Variants in RGS7BP observed in about 807,000 individuals in gnomAD.
RGS7BP encodes regulator of G protein signaling 7-binding protein.
A neutral mutation model predicts 31.3 loss-of-function variants in RGS7BP; 9 were observed. The observed-to-expected ratio is 0.29, with a 90% CI of 0.17 to 0.50. The LOEUF is 0.50. RGS7BP is among the 20% of genes least tolerant of loss of function. The pLI, the probability that RGS7BP is intolerant of heterozygous loss-of-function variation, is 0.98. For missense variants in RGS7BP, 274 were observed against 322.0 expected, an observed-to-expected ratio of 0.85 and a Z score of 1.14; for synonymous variants, 115 against 120.1, an observed-to-expected ratio of 0.96 and a Z score of 0.28.
rs570435833 is a variant in RGS7BP at position 64,607,754 on chromosome 5, G to A, written c.683-1407G>A. ...AGTCAGCTTTGTCTAAATTCCAAAA[G>A]GGAGGAGGATATAATGAAGAATGTT... On this transcript the variant is annotated intron_variant, in intron 5 of 5. Transcript: ENST00000334025. Among the ~76,000 whole-genome samples the A allele has an allele frequency of 2.6e-5, 4 of 152,026 alleles. No homozygotes were observed. The South Asian group carries it at 6.2e-4, about 24-fold the overall frequency.
chr5:64,509,510 T>C (rs1266469188), intron 2 of RGS7BP, among the ~76,000 whole-genome samples: 1 of 152,156 alleles, frequency 6.6e-6, no homozygotes, highest in African/African-American at 2.4e-5. Flanking sequence ...AAAGAAAAGG[T>C]CTGAAACTAT....
At position 64,506,807 on chromosome 5, in the gene RGS7BP, CTCTT is replaced by C. The variant is rs752745000; in HGVS notation, c.165+20_165+23del. 9 of 1,323,996 alleles carry C rather than the reference CTCTT, an allele frequency of 6.8e-6. No homozygotes were observed. Among genetic ancestry groups the C allele is most frequent in the South Asian group, 1.4e-5 (1 of 69,288 alleles). 82.0% of individuals were successfully genotyped at this position (1,323,996 alleles called of 1,614,324 possible). On this transcript the variant is annotated intron_variant, in intron 1 of 5. Transcript: ENST00000334025. The surrounding 1 kb of genome is among the most constrained non-coding windows in gnomAD (Gnocchi z 4.6). ...GCAAGATGGTGGGTGAAAACTGCGCCTCTTTTTTTTTTTTTTTAATTGAGAGGGG... is the reference window on the plus strand; with the variant it reads ...GCAAGATGGTGGGTGAAAACTGCGCCTTTTTTTTTTTTTAATTGAGAGGGG...
intron 2 of RGS7BP, among the ~76,000 whole-genome samples, chr5:64,562,040 G>A (rs1742068383): frequency 4.6e-5 from 7 of 152,034 alleles, no homozygotes; most frequent in Admixed American, 4.6e-4. Flanking sequence ...CATCAAGGAA[G>A]GAAATAAAGG....
intron 2 of RGS7BP, among the ~76,000 whole-genome samples, chr5:64,575,386 A>G (rs1742392518): frequency 6.6e-6 from 1 of 152,154 alleles, no homozygotes; most frequent in Admixed American, 6.5e-5. Context: ...TACAACTGGT[A>G]ATTGAATTGC....
rs1166056048 is a variant in RGS7BP at position 64,506,863 on chromosome 5, T to C, written c.165+74T>C. On this transcript the variant is annotated intron_variant, in intron 1 of 5. Transcript: ENST00000334025. This position sits in a 1 kb window ranked among gnomAD's most constrained non-coding sequence, Gnocchi z 4.6. Reference sequence around the variant, plus strand: ...TGGGGGGAGTCATGTATGTTAATCATTTGCCTGAGTGCCAGCCACTCCCCC... The same window carrying C: ...TGGGGGGAGTCATGTATGTTAATCACTTGCCTGAGTGCCAGCCACTCCCCC... The C allele has an allele frequency of 1.2e-5, 17 of 1,394,544 alleles. No homozygotes were observed. The highest frequency in any genetic ancestry group is 1.7e-5 in the Non-Finnish European group (17 of 1,029,274). 86.4% of individuals were successfully genotyped at this position (1,394,544 alleles called of 1,614,324 possible).
intron 3 of RGS7BP, among the ~76,000 whole-genome samples, chr5:64,585,356 GA>G (rs1252270403): frequency 6.6e-6 from 1 of 151,946 alleles, no homozygotes; most frequent in Non-Finnish European, 1.5e-5. Context: ...CCAAACTAAG[GA>G]CATCCAAAAA....
intron 2 of RGS7BP, among the ~76,000 whole-genome samples, chr5:64,568,230 A>C (rs751552478): frequency 1.1e-4 from 16 of 152,144 alleles, no homozygotes; most frequent in Non-Finnish European, 2.2e-4. Context: ...CAGAGACTGA[A>C]GAATTCAGCA....
chr5:64,536,502 C>T (rs988561212), intron 2 of RGS7BP, among the ~76,000 whole-genome samples: 1 of 152,190 alleles, frequency 6.6e-6, no homozygotes, highest in African/African-American at 2.4e-5. Flanking sequence ...GGATGAAAAT[C>T]TTCATCCTAT....
intron 2 of RGS7BP, among the ~76,000 whole-genome samples, chr5:64,564,977 G>A (rs1339019784): frequency 6.6e-6 from 1 of 152,040 alleles, no homozygotes; most frequent in African/African-American, 2.4e-5. Flanking sequence ...ACAAAAGATT[G>A]ACCACTGCAA....
intron 2 of RGS7BP, among the ~76,000 whole-genome samples, chr5:64,508,175 G>T (rs1214246382): frequency 6.6e-6 from 1 of 152,102 alleles, no homozygotes; most frequent in African/African-American, 2.4e-5. Context: ...GGGGTGGATG[G>T]CTGGACATCA....
At chr5:64,559,162 G>A (rs1051479392) in intron 2 of RGS7BP, among the ~76,000 whole-genome samples, 1 of 152,008 alleles carries the variant, frequency 6.6e-6, no homozygotes, top group Admixed American at 6.6e-5. Context: ...GTAAAAACTT[G>A]CTACTTTTAC....
chr5:64,532,484 A>G (rs1749396559), intron 2 of RGS7BP, among the ~76,000 whole-genome samples: 1 of 152,198 alleles, frequency 6.6e-6, no homozygotes. Context: ...AAGTGTCAAA[A>G]TAATAACCTT....
chr5:64,541,213 G>C (rs961280013), intron 2 of RGS7BP, among the ~76,000 whole-genome samples: 2 of 152,136 alleles, frequency 1.3e-5, no homozygotes, highest in Non-Finnish European at 2.9e-5. Context: ...GAACAAGAGA[G>C]AGGGGAGGGG....
chr5:64,588,565 C>T (rs1561345501), intron 3 of RGS7BP, among the ~76,000 whole-genome samples: 1 of 152,178 alleles, frequency 6.6e-6, no homozygotes, highest in Non-Finnish European at 1.5e-5. Flanking sequence ...AATGCTAATC[C>T]TCTTGCTACT....
chr5:64,593,411 G>A (rs1742972791), intron 3 of RGS7BP, among the ~76,000 whole-genome samples: 1 of 152,112 alleles, frequency 6.6e-6, no homozygotes, highest in Non-Finnish European at 1.5e-5. Flanking sequence ...TAGTTTTCTT[G>A]TTAATGCAAA....
intron 2 of RGS7BP, among the ~76,000 whole-genome samples, chr5:64,574,127 A>G (rs1377381200): frequency 2.6e-5 from 4 of 152,302 alleles, no homozygotes; most frequent in African/African-American, 9.6e-5. Flanking sequence ...AAATAAATGT[A>G]TTAGTAGATA....
At chr5:64,587,514 T>C (rs1742790711) in intron 3 of RGS7BP, among the ~76,000 whole-genome samples, 1 of 152,152 alleles carries the variant, frequency 6.6e-6, no homozygotes, top group Admixed American at 6.6e-5. Context: ...GGAAAATTAA[T>C]GCTCAAAATT....
chr5:64,587,181 C>T (rs1004789835), intron 3 of RGS7BP, among the ~76,000 whole-genome samples: 3 of 152,016 alleles, frequency 2.0e-5, no homozygotes, highest in African/African-American at 7.2e-5. Flanking sequence ...AGTCCATTGG[C>T]CATAGCTCTG....
At chr5:64,561,282 A>C (rs1742048918) in intron 2 of RGS7BP, among the ~76,000 whole-genome samples, 1 of 152,202 alleles carries the variant, frequency 6.6e-6, no homozygotes, top group Admixed American at 6.5e-5. Flanking sequence ...CTCAACAAAG[A>C]AAAAATATAA....
Sources: gnomAD v4.1 joint callset for allele counts (sites outside exome capture counted in the v4.1 genomes callset) on GRCh38, gnomAD v4.1.1 for gene constraint, Gnocchi (gnomAD v3.1) non-coding constraint, MANE v1.5 for transcripts, NCBI Gene and HGNC (gene_info 2026-07-23, HGNC 2026-07-21) for gene names.